Variants in TNPO3 observed in about 807,000 individuals in gnomAD.
The protein encoded by TNPO3 is transportin-3.
TNPO3 carries 65 observed loss-of-function variants against 122.8 expected under a neutral mutation model. The observed-to-expected ratio is 0.53, with a 90% CI of 0.43 to 0.65. The LOEUF is 0.65. Ranked by LOEUF, TNPO3 falls within the 30% of genes least tolerant of loss-of-function variation. TNPO3 has a pLI of 0.00. For synonymous variants in TNPO3, 372 were observed against 411.2 expected (o/e 0.90, Z 1.15); for missense variants, 850 against 1,136.7 (o/e 0.75, Z 3.63).
chr7:128,977,632 T>C (rs1275065323), intron 16 of TNPO3, among the ~76,000 whole-genome samples: 3 of 150,724 alleles, frequency 2.0e-5, no homozygotes, highest in African/African-American at 7.3e-5. Context: ...AGTTTCACTC[T>C]GTCACCCAGG....
Position 129,000,444 on chromosome 7 carries a change from G to A in TNPO3, c.996C>T (p.Gly332=), listed in dbSNP as rs1554439603. The A allele has an allele frequency of 6.2e-7, 1 of 1,613,996 alleles. No individual in the cohort carries two copies. The highest frequency in any genetic ancestry group is 1.1e-5 in the South Asian group (1 of 91,064). ...TAAACACTACCTCATATTGAGGATG[G>A]CCTGCACAGATAAGCAGCAGCTCCA... is the stretch of plus-strand genomic sequence containing the variant. ...RTLELLLICA[G]HPQYEVVEIS... is the part of the protein sequence containing the mutation. Residue 332 remains glycine (G), a synonymous_variant, in exon 7 of 23, where the codon GGC becomes GGT. Coordinates refer to ENST00000265388, the MANE Select transcript of TNPO3 (RefSeq NM_012470.4).
intron 2 of TNPO3, 68 bp from the exon 3 acceptor site, chr7:129,017,124 G>A: frequency 7.1e-7 from 1 of 1,411,646 alleles, no homozygotes; most frequent in Non-Finnish European, 9.9e-7. Context: ...ATATTAATTG[G>A]GAAGCAAAGA....
At chr7:129,053,768 A>C (rs1473558543) in intron 1 of TNPO3, among the ~76,000 whole-genome samples, 2 of 152,234 alleles carry the variant, frequency 1.3e-5, no homozygotes, top group African/African-American at 2.4e-5. Flanking sequence ...CTTAATTTTT[A>C]AAGTACATCC....
Position 128,984,206 on chromosome 7 carries a change from T to A in TNPO3, c.1744A>T (p.Ser582Cys), listed in dbSNP as rs1197459906. 1.2e-6 allele frequency: 2 copies of A among 1,613,238 alleles called. No individual in the cohort carries two copies. The highest frequency in any genetic ancestry group is 2.2e-5 in the South Asian group (2 of 90,916). Residue 582 changes from serine (S) to cysteine (C), a missense_variant, in exon 13 of 23, where the codon AGT (serine) becomes TGT (cysteine). Physicochemically the swap from Ser to Cys is moderately radical, Grantham distance 112. Coordinates refer to ENST00000265388, the MANE Select transcript of TNPO3 (RefSeq NM_012470.4). ...LPLDKITECLSELCSVQVMAL... is the reference protein window; with the variant it reads ...LPLDKITECLCELCSVQVMAL... The stretch of plus-strand genomic sequence containing the variant: ...ATAACCTGAACAGAACATAGTTCAC[T>A]AAGACATTCGGTAATCTTATCCAAA...
intron 1 of TNPO3, among the ~76,000 whole-genome samples, chr7:129,038,457 C>T (rs1054898470): frequency 1.3e-5 from 2 of 152,134 alleles, no homozygotes; most frequent in African/African-American, 4.8e-5. Context: ...AACTACCATT[C>T]GACCCAGCAA....
intron 1 of TNPO3, among the ~76,000 whole-genome samples, chr7:129,035,260 C>T (rs951733489): frequency 1.3e-5 from 2 of 152,074 alleles, no homozygotes; most frequent in Non-Finnish European, 2.9e-5. Flanking sequence ...GGCGAAAGAG[C>T]GAGACTCCGT....
chr7:128,979,091 CTTAT>C lies in TNPO3; in HGVS notation c.1949_1952del (p.Asn650SerfsTer9). The C allele has an allele frequency of 1.9e-6, 3 of 1,614,172 alleles. No homozygotes were observed. Among genetic ancestry groups the C allele is most frequent in the Non-Finnish European group, 2.5e-6 (3 of 1,180,020 alleles). On this transcript the variant is annotated frameshift_variant, in exon 16 of 23. Coordinates refer to ENST00000265388, the MANE Select transcript of TNPO3 (RefSeq NM_012470.4). LOFTEE classifies it high-confidence loss of function. ...CTACAATCCGATTATCAGCTCGGTG[CTTAT>C]TTAGAGTCTCGGATAAAACTGGCCA...
chr7:129,012,669 C>T (rs947529294), intron 4 of TNPO3, among the ~76,000 whole-genome samples: 2 of 152,098 alleles, frequency 1.3e-5, no homozygotes, highest in African/African-American at 4.8e-5. Context: ...AACCTGTATC[C>T]ACATTATTGA....
chr7:129,011,610 G>C (rs1482285367), intron 4 of TNPO3, among the ~76,000 whole-genome samples: 15 of 152,172 alleles, frequency 9.9e-5, no homozygotes, highest in Non-Finnish European at 7.3e-5. Context: ...CCAAAGTGCT[G>C]GGATTACAGG....
chr7:128,992,241 T>A (rs1233186210), intron 9 of TNPO3, 151 bp from the exon 10 acceptor site: 1 of 479,204 alleles, frequency 2.1e-6, no homozygotes, highest in African/African-American at 2.0e-5. Context: ...TTTCTTTTTT[T>A]TATATCATCA....
At chr7:129,025,365 A>C (rs1190036168) in intron 1 of TNPO3, among the ~76,000 whole-genome samples, 6 of 97,236 alleles carry the variant, frequency 6.2e-5, no homozygotes, top group Middle Eastern at 4.9e-3. Context: ...AAAAAAAAAA[A>C]AAAAAAAAAA....
chr7:128,985,441 A>T (rs1800043543), intron 12 of TNPO3, among the ~76,000 whole-genome samples: 1 of 152,172 alleles, frequency 6.6e-6, no homozygotes. Context: ...TTAAAAATTT[A>T]AAAAATCAGC....
chr7:129,000,383 G>C, intron 7 of TNPO3, 46 bp downstream of exon 7: 2 of 1,524,142 alleles, frequency 1.3e-6, no homozygotes, highest in Non-Finnish European at 1.8e-6. Flanking sequence ...ATAATATGCA[G>C]CACACAACTT....
At chr7:128,975,432 C>T (rs918039014) in intron 17 of TNPO3, among the ~76,000 whole-genome samples, 9 of 152,320 alleles carry the variant, frequency 5.9e-5, no homozygotes, top group Non-Finnish European at 7.3e-5. Flanking sequence ...GTTTCCAATG[C>T]TATTATTAAT....
intron 4 of TNPO3, among the ~76,000 whole-genome samples, chr7:129,014,450 G>A (rs1803599566): frequency 6.6e-6 from 1 of 152,140 alleles, no homozygotes; most frequent in Non-Finnish European, 1.5e-5. Context: ...TTGAGCCCAG[G>A]AGGAGGAGGG....
chr7:128,993,763 T>G (rs781082510), intron 9 of TNPO3, 44 bp downstream of exon 9: 79 of 1,502,358 alleles, frequency 5.3e-5, no homozygotes, highest in Non-Finnish European at 7.0e-5. Context: ...TGAATACAAT[T>G]AAGGTGACTA....
intron 20 of TNPO3, among the ~76,000 whole-genome samples, chr7:128,969,584 GC>G (rs1181339455): frequency 1.3e-5 from 2 of 151,974 alleles, no homozygotes; most frequent in Non-Finnish European, 2.9e-5. Flanking sequence ...TGGTCATGTG[GC>G]CCAGTACTGA....
At chr7:128,992,835 CCA>C (rs1354693607) in intron 9 of TNPO3, among the ~76,000 whole-genome samples, 2 of 151,922 alleles carry the variant, frequency 1.3e-5, no homozygotes, top group South Asian at 4.2e-4. Context: ...GGTTGGTGTT[CCA>C]CAGACTATAT....
At chr7:129,020,072 G>A (rs1412822005) in intron 1 of TNPO3, among the ~76,000 whole-genome samples, 1 of 152,002 alleles carries the variant, frequency 6.6e-6, no homozygotes, top group East Asian at 1.9e-4. Flanking sequence ...GGATGCTGAG[G>A]CGAGAGGATC....
Sources: allele counts gnomAD v4.1 joint callset (sites outside exome capture counted in the v4.1 genomes callset), GRCh38; gene constraint gnomAD v4.1.1; transcripts MANE v1.5; gene names NCBI Gene and HGNC (gene_info 2026-07-23, HGNC 2026-07-21).